PUM2: variants seen among roughly 807,000 people sequenced by gnomAD.
PUM2 encodes pumilio RNA binding family member 2.
A neutral mutation model predicts 124.5 loss-of-function variants in PUM2; 57 were observed. The observed-to-expected ratio is 0.46, with a 90% CI of 0.37 to 0.57. The LOEUF (loss-of-function observed/expected upper bound fraction) is 0.57. Ranked by LOEUF, PUM2 falls within the 20% of genes least tolerant of loss-of-function variation. The pLI is 0.00. For synonymous variants in PUM2, 460 were observed against 446.1 expected (o/e 1.03, Z -0.39); for missense variants, 1,065 against 1,290.6 (o/e 0.83, Z 2.68).
At chr2:20,297,734 A>G in intron 7 of PUM2, 56 bp from the exon 8 acceptor site, 2 of 1,512,640 alleles carry the variant, frequency 1.3e-6, no homozygotes, top group East Asian at 4.7e-5. Flanking sequence ...GATTTTTTTC[A>G]TTAGATAAAA....
In PUM2 at chr2:20,322,832, A is replaced by AAAC. The variant is rs111309828; in HGVS notation, c.52-4190_52-4188dup. Among the ~76,000 whole-genome samples the AAAC allele has an allele frequency of 9.9e-5, 15 of 152,174 alleles. No individual in the cohort carries two copies. In the East Asian group the frequency reaches 2.1e-3, roughly 22 times the overall value. The stretch of plus-strand genomic sequence containing the variant: ...ACAAAAAACAAAAAACAAACAAAAC[A>AAAC]AACAACAACAACAACAAATGAAACA... On this transcript the variant is annotated intron_variant, in intron 2 of 20. Transcript: ENST00000361078.
At chr2:20,328,301 G>C (rs1433619468) in intron 1 of PUM2, among the ~76,000 whole-genome samples, 1 of 152,146 alleles carries the variant, frequency 6.6e-6, no homozygotes, top group Non-Finnish European at 1.5e-5. Context: ...TTGCACTCCA[G>C]CCTGGGCATC....
At chr2:20,301,107 T>TGA (rs1676869976) in intron 7 of PUM2, among the ~76,000 whole-genome samples, 1 of 152,240 alleles carries the variant, frequency 6.6e-6, no homozygotes, top group African/African-American at 2.4e-5. Context: ...TATTGACTGA[T>TGA]ATCTCAAGTC....
At chr2:20,268,429 C>T (rs1417639134) in intron 13 of PUM2, among the ~76,000 whole-genome samples, 6 of 152,024 alleles carry the variant, frequency 3.9e-5, no homozygotes, top group African/African-American at 9.7e-5. Context: ...CTGGCCAACA[C>T]AGTGAAACCC....
chr2:20,258,871 G>A (rs1435970788), intron 15 of PUM2, among the ~76,000 whole-genome samples: 1 of 151,294 alleles, frequency 6.6e-6, no homozygotes, highest in Non-Finnish European at 1.5e-5. Flanking sequence ...GTTTCACCTT[G>A]TTAGCCAGGA....
At chr2:20,344,356 T>G (rs976337720) in intron 1 of PUM2, among the ~76,000 whole-genome samples, 1 of 152,218 alleles carries the variant, frequency 6.6e-6, no homozygotes, top group African/African-American at 2.4e-5. Flanking sequence ...CCTCATAGTC[T>G]TTCTTACAGT....
chr2:20,269,567 A>C (rs1386259356), intron 13 of PUM2, among the ~76,000 whole-genome samples: 1 of 152,186 alleles, frequency 6.6e-6, no homozygotes. Flanking sequence ...AATGAGTTTA[A>C]AAAAACAAAG....
At chr2:20,281,945 T>C (rs981397061) in intron 12 of PUM2, among the ~76,000 whole-genome samples, 4 of 152,234 alleles carry the variant, frequency 2.6e-5, no homozygotes, top group African/African-American at 9.6e-5. Flanking sequence ...TAATAATGCC[T>C]GGCATGTGTT....
intron 1 of PUM2, among the ~76,000 whole-genome samples, chr2:20,334,940 C>G (rs1428997444): frequency 1.3e-5 from 2 of 152,112 alleles, no homozygotes; most frequent in Non-Finnish European, 2.9e-5. Context: ...CGTAATCATC[C>G]TCCTTGGACT....
At chr2:20,281,482 T>C (rs1210656133) in intron 12 of PUM2, among the ~76,000 whole-genome samples, 4 of 152,216 alleles carry the variant, frequency 2.6e-5, no homozygotes, top group African/African-American at 9.6e-5. Flanking sequence ...CTCTCTTTTT[T>C]CTGAATTATT....
At chr2:20,331,181 T>G (rs1572967783) in intron 1 of PUM2, among the ~76,000 whole-genome samples, 1 of 143,892 alleles carries the variant, frequency 6.9e-6, no homozygotes, top group Non-Finnish European at 1.5e-5. Flanking sequence ...AATGAAAGGG[T>G]AGGGGATGAG....
At chr2:20,314,482 G>A (rs1034550469) in intron 3 of PUM2, among the ~76,000 whole-genome samples, 1 of 152,132 alleles carries the variant, frequency 6.6e-6, no homozygotes, top group Non-Finnish European at 1.5e-5. Context: ...TAATACATTT[G>A]AGGCAACATT....
intron 2 of PUM2, among the ~76,000 whole-genome samples, chr2:20,325,624 CTT>C (rs372989412): frequency 8.5e-5 from 12 of 141,644 alleles, no homozygotes; most frequent in Non-Finnish European, 9.2e-5. Context: ...CTCTCTTGTT[CTT>C]TTTTTTTTTT....
intron 1 of PUM2, chr2:20,332,015 T>C (rs1685025915): frequency 1.3e-5 from 2 of 152,216 alleles, no homozygotes; most frequent in Non-Finnish European, 2.9e-5. Flanking sequence ...GAGTTTCACG[T>C]GGTTTTCATG....
intron 15 of PUM2, among the ~76,000 whole-genome samples, chr2:20,259,584 C>A (rs1665674369): frequency 6.6e-6 from 1 of 152,152 alleles, no homozygotes; most frequent in Non-Finnish European, 1.5e-5. Context: ...TTTTCAAGGT[C>A]CATCCATGTT....
At chr2:20,276,520 A>G (rs762252672) in intron 13 of PUM2, among the ~76,000 whole-genome samples, 2 of 151,934 alleles carry the variant, frequency 1.3e-5, no homozygotes, top group African/African-American at 4.8e-5. Flanking sequence ...ATGTGAGCTC[A>G]GTAAAATTAC....
At chr2:20,290,393 T>TA (rs1673743733) in intron 10 of PUM2, among the ~76,000 whole-genome samples, 1 of 152,224 alleles carries the variant, frequency 6.6e-6, no homozygotes, top group African/African-American at 2.4e-5. Flanking sequence ...TAGGATTAGA[T>TA]AGATGCTATA....
intron 2 of PUM2, among the ~76,000 whole-genome samples, chr2:20,326,888 G>C (rs1225074768): frequency 6.6e-6 from 1 of 152,066 alleles, no homozygotes; most frequent in Admixed American, 6.5e-5. Flanking sequence ...GAGTCTTGTA[G>C]AAGATTAGAA....
intron 10 of PUM2, among the ~76,000 whole-genome samples, chr2:20,284,644 T>C (rs1158534614): frequency 6.6e-6 from 1 of 152,226 alleles, no homozygotes; most frequent in East Asian, 1.9e-4. Flanking sequence ...AAGAAGTTTT[T>C]AAAAACACAG....
Sources: allele counts gnomAD v4.1 joint callset (sites outside exome capture counted in the v4.1 genomes callset), GRCh38; gene constraint gnomAD v4.1.1; transcripts MANE v1.5; gene names NCBI Gene and HGNC (gene_info 2026-07-23, HGNC 2026-07-21).